DGKD: variants seen among roughly 807,000 people sequenced by gnomAD.
The protein encoded by DGKD is DAG kinase delta.
Under a neutral mutation model 154.4 loss-of-function variants are expected in DGKD, and 68 were observed. The observed-to-expected ratio is 0.44, with a 90% CI of 0.36 to 0.54. The LOEUF is 0.54. Among genes scored for constraint, DGKD ranks in the 20% least tolerant of loss-of-function variants. DGKD has a pLI of 0.00. For missense variants in DGKD, 1,343 were observed against 1,593.6 expected, an observed-to-expected ratio of 0.84 and a Z score of 2.68; for synonymous variants, 693 against 638.0, an observed-to-expected ratio of 1.09 and a Z score of -1.30.
intron 1 of DGKD, among the ~76,000 whole-genome samples, chr2:233,367,623 T>TAAAA: frequency 6.6e-6 from 1 of 152,204 alleles, no homozygotes; most frequent in East Asian, 1.9e-4. Flanking sequence ...ATCATTCTTT[T>TAAAA]ACATTGTTGT....
Position 233,449,437 on chromosome 2 carries a change from C to A in DGKD, c.1888+61C>A, listed in dbSNP as rs959386711. On this transcript the variant is annotated intron_variant, in intron 15 of 29. Transcript: ENST00000264057. This position sits in a 1 kb window ranked among gnomAD's most constrained non-coding sequence, Gnocchi z 5.3. Reference sequence around the variant, plus strand: ...GGCCAGCACTGGGCATGCCCAGCGTCCCCTGAACACGGAGATGACAGAAGG... The same window carrying A: ...GGCCAGCACTGGGCATGCCCAGCGTACCCTGAACACGGAGATGACAGAAGG... 2.0e-6 allele frequency: 3 copies of A among 1,526,996 alleles called. No homozygotes were observed. The highest frequency in any genetic ancestry group is 2.7e-6 in the Non-Finnish European group (3 of 1,131,256). The allele number at this position is 1,526,996 out of a possible 1,614,324, so 94.6% of individuals were successfully genotyped here.
At chr2:233,424,502 G>T (rs372132314) in intron 3 of DGKD, among the ~76,000 whole-genome samples, 1 of 152,232 alleles carries the variant, frequency 6.6e-6, no homozygotes, top group African/African-American at 2.4e-5. Flanking sequence ...CTCCAAGCCA[G>T]TCACCCTGCC....
intron 3 of DGKD, chr2:233,409,020 GAAGATGC>G (rs2061756017): frequency 6.6e-6 from 1 of 152,266 alleles, no homozygotes; most frequent in Admixed American, 6.5e-5. Flanking sequence ...GGCACAGGGA[GAAGATGC>G]TGTCCTCTTC....
rs538578313 is a variant in DGKD, at chr2:233,419,166, G to A, written c.349-15214G>A. The A allele has an allele frequency of 1.9e-4, 186 of 959,018 alleles. No homozygotes were observed. In the South Asian group the frequency reaches 6.4e-3, roughly 33 times the overall value. 59.4% of individuals were successfully genotyped at this position (959,018 alleles called of 1,614,324 possible). ...CTTATTCTCGGCCACCTTTCCAAGC[G>A]CTGCAGCCCAGGAGCTATATTTAGC... On this transcript the variant is annotated intron_variant, in intron 3 of 29. Coordinates refer to ENST00000264057, the MANE Select transcript of DGKD (RefSeq NM_152879.3).
intron 1 of DGKD, among the ~76,000 whole-genome samples, chr2:233,367,582 A>G (rs1247649129): frequency 6.6e-6 from 1 of 151,972 alleles, no homozygotes; most frequent in East Asian, 1.9e-4. Context: ...CCAACCTAAT[A>G]ATCTTTCTGG....
At chr2:233,359,359 A>G (rs557398308) in intron 1 of DGKD, among the ~76,000 whole-genome samples, 1 of 152,348 alleles carries the variant, frequency 6.6e-6, no homozygotes, top group Non-Finnish European at 1.5e-5. Flanking sequence ...AACAGTTGTT[A>G]TATCCATAAA....
At chr2:233,418,153 A>G (rs1352724483) in intron 3 of DGKD, among the ~76,000 whole-genome samples, 2 of 152,220 alleles carry the variant, frequency 1.3e-5, no homozygotes, top group Non-Finnish European at 2.9e-5. Flanking sequence ...GGCCTGTGAC[A>G]TACCATTGTG....
intron 3 of DGKD, among the ~76,000 whole-genome samples, chr2:233,423,817 C>A (rs565485151): frequency 1.3e-5 from 2 of 152,116 alleles, no homozygotes; most frequent in East Asian, 1.9e-4. Flanking sequence ...CCCACCCCCC[C>A]AGTATCCATC....
At position 233,457,649 on chromosome 2, in the gene DGKD, G is replaced by A. The variant is rs771051874; in HGVS notation, c.2580+321G>A. 6.9e-5 allele frequency: 34 copies of A among 491,628 alleles called. 1 individual carries two copies. Among genetic ancestry groups the A allele is most frequent in the Middle Eastern group, 6.1e-4 (2 of 3,272 alleles). The allele number at this position is 491,628 out of a possible 1,614,324, so 30.5% of individuals were successfully genotyped here. The stretch of plus-strand genomic sequence containing the variant: ...GATGAGTTGGAGTTGGCTAAGTTAG[G>A]TGGGCAGAGGAGAGGGGGAGGCTGT... On this transcript the variant is annotated intron_variant, in intron 21 of 29. Coordinates refer to ENST00000264057, the MANE Select transcript of DGKD (RefSeq NM_152879.3). The surrounding 1 kb of genome is among the most constrained non-coding windows in gnomAD (Gnocchi z 5.5).
intron 12 of DGKD, chr2:233,447,728 T>C (rs1422799965): frequency 9.1e-7 from 1 of 1,097,988 alleles, no homozygotes; most frequent in Non-Finnish European, 1.1e-6. Context: ...GGAAACAGCC[T>C]CTGCTGCAAA....
chr2:233,397,715 A>T (rs559343257), intron 3 of DGKD, among the ~76,000 whole-genome samples: 21 of 151,906 alleles, frequency 1.4e-4, no homozygotes, highest in Admixed American at 6.6e-4. Context: ...AGAAAGTTCT[A>T]CTCTGGCTGT....
Position 233,457,630 on chromosome 2 carries a change from T to G in DGKD, c.2580+302T>G. The G allele has an allele frequency of 1.9e-6, 1 of 524,892 alleles. No homozygotes were observed. The highest frequency in any genetic ancestry group is 3.7e-6 in the Non-Finnish European group (1 of 271,418). The allele number at this position is 524,892 out of a possible 1,614,324, so 32.5% of individuals were successfully genotyped here. On this transcript the variant is annotated intron_variant, in intron 21 of 29. Coordinates refer to ENST00000264057, the MANE Select transcript of DGKD (RefSeq NM_152879.3). The surrounding 1 kb of genome is among the most constrained non-coding windows in gnomAD (Gnocchi z 5.5). ...GGGAGGCCAAGACCTGAAGGATGAG[T>G]TGGAGTTGGCTAAGTTAGGTGGGCA...
intron 6 of DGKD, 71 bp from the exon 7 acceptor site, chr2:233,436,245 G>A (rs550486007): frequency 6.2e-6 from 10 of 1,601,078 alleles, no homozygotes; most frequent in Middle Eastern, 1.7e-4. Context: ...AGTTCACAAC[G>A]AGCATTTCCT....
At chr2:233,463,413 C>CTCCTCACTCCACGCATG (rs2063720901) in intron 26 of DGKD, among the ~76,000 whole-genome samples, 1 of 144,838 alleles carries the variant, frequency 6.9e-6, no homozygotes, top group African/African-American at 2.6e-5. Context: ...CTCCACGCAT[C>CTCCTCACTCCACGCATG]TCCTCACTCC....
chr2:233,460,389 G>T, intron 24 of DGKD, 44 bp downstream of exon 24: 19 of 1,607,006 alleles, frequency 1.2e-5, no homozygotes, highest in Non-Finnish European at 1.6e-5. Context: ...CTCCCCCAGG[G>T]TCCCTGGGAC....
At chr2:233,469,347 A>G (rs749114660) in intron 29 of DGKD, 24 bp from the exon 30 acceptor site, 4 of 1,596,152 alleles carry the variant, frequency 2.5e-6, no homozygotes, top group Non-Finnish European at 3.4e-6. Context: ...CTCGGCATCC[A>G]TGGCGGTGTC....
At chr2:233,390,880 T>C (rs1312584073) in intron 3 of DGKD, among the ~76,000 whole-genome samples, 2 of 152,130 alleles carry the variant, frequency 1.3e-5, no homozygotes, top group Non-Finnish European at 2.9e-5. Flanking sequence ...ATTACAGGCA[T>C]GTGCCACCAC....
rs1344109740 is a variant in DGKD, at chr2:233,471,721, CA to C, written c.*2263del. On this transcript the variant is annotated 3_prime_UTR_variant, in exon 30 of 30. Transcript: ENST00000264057. Reference sequence around the variant, plus strand: ...ATAAAAACCATTTTTCTAATTCTAACAAGTTAGAATGTGAGGAAGGAATGAA... The same window carrying C: ...ATAAAAACCATTTTTCTAATTCTAACAGTTAGAATGTGAGGAAGGAATGAA... The C allele has an allele frequency of 6.6e-6, 1 of 152,372 alleles. No homozygotes were observed. Among genetic ancestry groups the C allele is most frequent in the East Asian group, 1.9e-4 (1 of 5,344 alleles). The allele number at this position is 152,372 out of a possible 1,614,324, so 9.4% of individuals were successfully genotyped here.
chr2:233,411,689 A>G lies in DGKD; in HGVS notation c.348+21206A>G, dbSNP rs566425048. On this transcript the variant is annotated intron_variant, in intron 3 of 29. Transcript: ENST00000264057. ...TCTTTTTGGTGAAATTCAACTTATC[A>G]GTTTTTTAAATGGCTCATTCTTCTA... is the stretch of plus-strand genomic sequence containing the variant. Among the ~76,000 whole-genome samples the G allele has an allele frequency of 9.2e-5, 14 of 152,246 alleles. No individual in the cohort carries two copies. The South Asian group carries it at 1.7e-3, about 18-fold the overall frequency.
Sources: gnomAD v4.1 joint callset for allele counts (sites outside exome capture counted in the v4.1 genomes callset) on GRCh38, gnomAD v4.1.1 for gene constraint, Gnocchi (gnomAD v3.1) non-coding constraint, MANE v1.5 for transcripts, NCBI Gene and HGNC (gene_info 2026-07-23, HGNC 2026-07-21) for gene names.